The following LRRC4C variants were observed in gnomAD, a reference collection of about 807,000 sequenced individuals.
LRRC4C encodes the protein leucine-rich repeat-containing protein 4C.
LRRC4C carries 5 observed loss-of-function variants against 33.6 expected under a neutral mutation model. The ratio of observed to expected loss-of-function variants is 0.15; its 90% CI spans 0.08 to 0.31. The LOEUF is 0.31. Among genes scored for constraint, LRRC4C ranks in the 10% least tolerant of loss-of-function variants. The pLI, the probability that LRRC4C is intolerant of heterozygous loss-of-function variation, is 1.00. For missense variants in LRRC4C, 560 were observed against 796.7 expected, an observed-to-expected ratio of 0.70 and a Z score of 3.58; for synonymous variants, 329 against 302.0, an observed-to-expected ratio of 1.09 and a Z score of -0.93.
At chr11:41,246,291 T>C (rs1185375767) in intron 1 of LRRC4C, among the ~76,000 whole-genome samples, 1 of 152,144 alleles carries the variant, frequency 6.6e-6, no homozygotes, top group Non-Finnish European at 1.5e-5. Flanking sequence ...TGTGTGTCAG[T>C]GCTGCCCCAA....
At chr11:41,002,674 A>G (rs1180894365) in intron 1 of LRRC4C, among the ~76,000 whole-genome samples, 1 of 152,180 alleles carries the variant, frequency 6.6e-6, no homozygotes, top group African/African-American at 2.4e-5. Flanking sequence ...GAGTAGTAGC[A>G]TGCCTTAATA....
chr11:40,431,197 G>A (rs1236492864), intron 3 of LRRC4C, among the ~76,000 whole-genome samples: 1 of 150,604 alleles, frequency 6.6e-6, no homozygotes, highest in African/African-American at 2.4e-5. Flanking sequence ...GGGAGGTTCA[G>A]GTGGGTGGAT....
intron 1 of LRRC4C, among the ~76,000 whole-genome samples, chr11:41,364,885 C>T (rs374583469): frequency 6.6e-5 from 10 of 152,138 alleles, no homozygotes; most frequent in African/African-American, 2.4e-4. Flanking sequence ...TTTAACATGG[C>T]TGATATCTAA....
In LRRC4C at chr11:40,524,656, G is replaced by C. The variant is rs114276304; in HGVS notation, c.-270+123486C>G. On this transcript the variant is annotated intron_variant, in intron 3 of 6. Transcript: ENST00000528697. ...GAGGCTGAGGATTGTATTATGTTTG[G>C]CTCATTTCTGTATCTTCATAACCTC... 2.9e-3 allele frequency among the ~76,000 whole-genome samples: 439 copies of C among 152,222 alleles called. 3 individuals carry two copies. The highest frequency in any genetic ancestry group is 0.01 in the African/African-American group (419 of 41,540).
chr11:40,543,927 T>A (rs1270481939), intron 3 of LRRC4C, among the ~76,000 whole-genome samples: 1 of 152,070 alleles, frequency 6.6e-6, no homozygotes, highest in African/African-American at 2.4e-5. Flanking sequence ...GAGTCCTGTC[T>A]TCCATAACAA....
At chr11:40,493,631 A>G (rs1954274981) in intron 3 of LRRC4C, among the ~76,000 whole-genome samples, 1 of 152,188 alleles carries the variant, frequency 6.6e-6, no homozygotes, top group Admixed American at 6.6e-5. Flanking sequence ...TCTGTACTAT[A>G]AATTCTTAGC....
intron 1 of LRRC4C, among the ~76,000 whole-genome samples, chr11:41,313,265 TA>T (rs1950693073): frequency 6.6e-6 from 1 of 152,244 alleles, no homozygotes; most frequent in Non-Finnish European, 1.5e-5. Flanking sequence ...CTCATGGCTG[TA>T]TTGAACCAAC....
chr11:41,203,351 A>G (rs563365697), intron 1 of LRRC4C, among the ~76,000 whole-genome samples: 48 of 152,328 alleles, frequency 3.2e-4, no homozygotes, highest in African/African-American at 1.1e-3. Context: ...AGGAGAAGGC[A>G]GTTGCTTTGG....
intron 3 of LRRC4C, among the ~76,000 whole-genome samples, chr11:40,442,397 G>C (rs1465503562): frequency 1.3e-5 from 2 of 152,014 alleles, no homozygotes; most frequent in Non-Finnish European, 2.9e-5. Context: ...ACCAAGTCAG[G>C]TACTAAAAAA....
chr11:41,060,912 C>T (rs1227222333), intron 1 of LRRC4C, among the ~76,000 whole-genome samples: 1 of 152,052 alleles, frequency 6.6e-6, no homozygotes, highest in Non-Finnish European at 1.5e-5. Context: ...AGTGTCTTCT[C>T]TCCTCTCTGT....
At position 40,477,701 on chromosome 11, in the gene LRRC4C, C is replaced by T. The variant is rs1953312428; in HGVS notation, c.-269-157980G>A. Among the ~76,000 whole-genome samples the T allele has an allele frequency of 2.0e-5, 3 of 152,090 alleles. No homozygotes were observed. In the South Asian group the frequency reaches 6.2e-4, roughly 32 times the overall value. On this transcript the variant is annotated intron_variant, in intron 3 of 6. Coordinates refer to ENST00000528697, the MANE Select transcript of LRRC4C (RefSeq NM_001258419.2). ...CTGAGAGTTCATCTAACAATTTCAT[C>T]CTTGTGAATTGCTTAGCAGCCACCT...
At chr11:41,455,025 G>C (rs574759924) in intron 1 of LRRC4C, among the ~76,000 whole-genome samples, 1 of 151,950 alleles carries the variant, frequency 6.6e-6, no homozygotes, top group Non-Finnish European at 1.5e-5. Context: ...GACAGCTAAG[G>C]CTTCATGAGA....
chr11:40,788,151 C>T (rs1295431212), intron 2 of LRRC4C, among the ~76,000 whole-genome samples: 1 of 152,190 alleles, frequency 6.6e-6, no homozygotes, highest in African/African-American at 2.4e-5. Flanking sequence ...TGAGTTCTGT[C>T]TTCTTCATGC....
chr11:41,135,082 G>C (rs1021897371), intron 1 of LRRC4C, among the ~76,000 whole-genome samples: 4 of 151,992 alleles, frequency 2.6e-5, no homozygotes, highest in African/African-American at 4.8e-5. Flanking sequence ...ACACAGGCCT[G>C]ACTAAAATCA....
chr11:40,339,126 A>G (rs1389809299), intron 3 of LRRC4C, among the ~76,000 whole-genome samples: 1 of 152,182 alleles, frequency 6.6e-6, no homozygotes, highest in Non-Finnish European at 1.5e-5. Flanking sequence ...GCAGGAACAT[A>G]TTATCTAACT....
chr11:40,323,834 T>C (rs1353447981), intron 3 of LRRC4C, among the ~76,000 whole-genome samples: 1 of 152,212 alleles, frequency 6.6e-6, no homozygotes, highest in Non-Finnish European at 1.5e-5. Flanking sequence ...ACATAGTCTA[T>C]GATAAAACAA....
intron 5 of LRRC4C, among the ~76,000 whole-genome samples, chr11:40,174,979 T>C (rs1393896288): frequency 6.6e-6 from 1 of 152,210 alleles, no homozygotes; most frequent in Admixed American, 6.5e-5. Context: ...CCATTATAAC[T>C]TGCAGCAGTA....
At chr11:41,404,535 GAC>G (rs138726744) in intron 1 of LRRC4C, among the ~76,000 whole-genome samples, 1,041 of 37,274 alleles carry the variant, frequency 0.028, 8 homozygotes, top group Middle Eastern at 0.078. Flanking sequence ...AAGACACACA[GAC>G]ACACACACAC....
intron 2 of LRRC4C, among the ~76,000 whole-genome samples, chr11:40,913,908 T>C (rs1316234047): frequency 6.6e-6 from 1 of 152,184 alleles, no homozygotes; most frequent in Non-Finnish European, 1.5e-5. Flanking sequence ...CATCGGAGAA[T>C]ACTATAAACA....
Sources: gnomAD v4.1 joint callset for allele counts (sites outside exome capture counted in the v4.1 genomes callset) on GRCh38, gnomAD v4.1.1 for gene constraint, MANE v1.5 for transcripts, NCBI Gene and HGNC (gene_info 2026-07-23, HGNC 2026-07-21) for gene names.